Variants in TROAP observed in about 807,000 individuals in gnomAD.
TROAP encodes the protein trophinin associated protein, also known as tastin.
Under a neutral mutation model 83.4 loss-of-function variants are expected in TROAP, and 62 were observed. That is an observed-to-expected ratio of 0.74 (90% CI 0.61 to 0.92). The LOEUF is 0.92. Ranked by LOEUF, TROAP falls within the 40% of genes least tolerant of loss-of-function variation. The probability of loss-of-function intolerance (pLI) is 0.00; values close to 1 mark genes in which losing one functional copy is unlikely to be tolerated. For missense variants in TROAP, 876 were observed against 985.1 expected, an observed-to-expected ratio of 0.89 and a Z score of 1.48; for synonymous variants, 352 against 386.4, an observed-to-expected ratio of 0.91 and a Z score of 1.04.
Position 49,325,984 on chromosome 12 carries a change from G to T in TROAP, c.634-92G>T. 6.2e-6 allele frequency: 10 copies of T among 1,605,668 alleles called. No homozygotes were observed. The South Asian group carries it at 1.1e-4, about 18-fold the overall frequency. On this transcript the variant is annotated intron_variant, in intron 5 of 14. Coordinates refer to ENST00000257909, the MANE Select transcript of TROAP (RefSeq NM_005480.4). ...AGAGGTACCTCATGATGAGGCAAGG[G>T]ATCCTACTGGGGGAGATGGGGTTGG...
chr12:49,327,416 T>C (rs1232689426), intron 8 of TROAP, 86 bp downstream of exon 8: 1 of 1,560,274 alleles, frequency 6.4e-7, no homozygotes, highest in Admixed American at 1.8e-5. Flanking sequence ...CACTGAGAAT[T>C]GTAGGTAGAG....
Position 49,331,291 on chromosome 12 carries a change from C to CACGAGGCTCGTCTGG in TROAP, c.2181_2195dup (p.Glu727_Asp731dup), listed in dbSNP as rs1481855300. 4 of 1,614,116 alleles carry CACGAGGCTCGTCTGG rather than the reference C, an allele frequency of 2.5e-6. No individual in the cohort carries two copies. The highest frequency in any genetic ancestry group is 3.4e-6 in the Non-Finnish European group (4 of 1,180,054). Reference sequence around the variant, plus strand: ...GTGTTTAACCGCCATCCACTGCTTCCACGAGGCTCGTCTGGACGATGAGTG... The same window carrying CACGAGGCTCGTCTGG: ...GTGTTTAACCGCCATCCACTGCTTCCACGAGGCTCGTCTGGACGAGGCTCGTCTGGACGATGAGTG... On this transcript the variant is annotated inframe_insertion, in exon 14 of 15. Transcript: ENST00000257909.
At chr12:49,328,820 C>A (rs139357403) in intron 8 of TROAP, 107 bp from the exon 9 acceptor site, 1 of 1,426,716 alleles carries the variant, frequency 7.0e-7, no homozygotes, top group East Asian at 2.4e-5. Flanking sequence ...GCCAAGATCG[C>A]GCCACTGGAC....
Position 49,323,364 on chromosome 12 carries a change from T to G in TROAP, c.-6+15T>G. The G allele has an allele frequency of 1.8e-5, 9 of 503,990 alleles. No individual in the cohort carries two copies. The highest frequency in any genetic ancestry group is 2.1e-5 in the Non-Finnish European group (6 of 284,290). The allele number at this position is 503,990 out of a possible 1,614,324, so 31.2% of individuals were successfully genotyped here. A position where few individuals can be genotyped will look rare whatever the true frequency, so the allele number is the denominator to read the frequency against. On this transcript the variant is annotated intron_variant, in intron 1 of 14. Transcript: ENST00000257909. ...GCCTCGGTAAGGTAAGGCACGGGGG[T>G]CTTGAAGGGAACGAAGGCTGCTGGG... is the stretch of plus-strand genomic sequence containing the variant.
At position 49,325,670 on chromosome 12, in the gene TROAP, G is replaced by A. The variant is rs762151507; in HGVS notation, c.495+12G>A. ...CCCAGAGGGTCCAGGTAATGAAACA[G>A]GATGTGAGGAGACCAGGCTAGGGGG... On this transcript the variant is annotated intron_variant, in intron 4 of 14. Coordinates refer to ENST00000257909, the MANE Select transcript of TROAP (RefSeq NM_005480.4). 1.9e-6 allele frequency: 3 copies of A among 1,613,496 alleles called. No individual in the cohort carries two copies. The highest frequency in any genetic ancestry group is 2.5e-6 in the Non-Finnish European group (3 of 1,179,826).
intron 13 of TROAP, 47 bp downstream of exon 13, chr12:49,330,990 T>A (rs1384181352): frequency 6.3e-7 from 1 of 1,599,494 alleles, no homozygotes; most frequent in Non-Finnish European, 8.5e-7. Flanking sequence ...GGTCCTCACC[T>A]CACTGTGAGC....
intron 3 of TROAP, chr12:49,324,315 T>C (rs1479078690): frequency 1.1e-6 from 1 of 900,370 alleles, no homozygotes; most frequent in Non-Finnish European, 1.8e-6. Flanking sequence ...GAGACCAGCC[T>C]GGATGACAGA....
Position 49,326,167 on chromosome 12 carries a change from G to T in TROAP, c.716+9G>T, listed in dbSNP as rs936351717. The T allele has an allele frequency of 1.9e-6, 3 of 1,613,600 alleles. No homozygotes were observed. The highest frequency in any genetic ancestry group is 3.3e-5 in the Admixed American group (2 of 60,008). ...ACAGCTGGCAGCAGCCGGTGAGAAA[G>T]GAGAGGGTGTGGGAGAAGGTCATCT... On this transcript the variant is annotated intron_variant, in intron 6 of 14. Coordinates refer to ENST00000257909, the MANE Select transcript of TROAP (RefSeq NM_005480.4).
At chr12:49,328,543 TCA>T (rs1943533543) in intron 8 of TROAP, among the ~76,000 whole-genome samples, 1 of 151,910 alleles carries the variant, frequency 6.6e-6, no homozygotes, top group South Asian at 2.1e-4. Flanking sequence ...CTTAAAAGAA[TCA>T]CACTGGCTGC....
In TROAP at chr12:49,323,469, G is replaced by A. The variant is rs2137058610; in HGVS notation, c.-6+120G>A. On this transcript the variant is annotated intron_variant, in intron 1 of 14. Coordinates refer to ENST00000257909, the MANE Select transcript of TROAP (RefSeq NM_005480.4). ...GTCTGGAGATAGCACCCATAAGAGC[G>A]GTCTTGCAGGCGCCGGGGGCTTGTG... 5.0e-6 allele frequency: 6 copies of A among 1,192,786 alleles called. No homozygotes were observed. The South Asian group carries it at 7.2e-5, about 14-fold the overall frequency. The allele number at this position is 1,192,786 out of a possible 1,614,324, so 73.9% of individuals were successfully genotyped here. A position where few individuals can be genotyped will look rare whatever the true frequency, so the allele number is the denominator to read the frequency against.
chr12:49,326,709 C>A lies in TROAP; in HGVS notation c.758C>A (p.Pro253Gln). 6.4e-7 allele frequency: 1 copy of A among 1,562,342 alleles called. No individual in the cohort carries two copies. ...GCCTCAGGATTGCTCCTGGAGACCC[C>A]AGTCCAGCCTGGTAAGTGTTTCTGG... is the stretch of plus-strand genomic sequence containing the variant. The part of the protein sequence containing the change: ...SQASGLLLET[P>Q]VQPAFSLPKG... The change falls in exon 7 of 15, where the codon CCA (proline) becomes CAA (glutamine). Residue 253 changes from proline to glutamine, a missense_variant. Pro to Gln is a moderately conservative substitution (Grantham distance 76, BLOSUM62 -1). Transcript: ENST00000257909.
chr12:49,323,623 A>T lies in TROAP; in HGVS notation c.15A>T (p.Gln5His). The T allele has an allele frequency of 1.9e-6, 3 of 1,613,954 alleles. No individual in the cohort carries two copies. Among genetic ancestry groups the T allele is most frequent in the Non-Finnish European group, 2.5e-6 (3 of 1,179,952 alleles). Reference protein sequence around the residue: MTTRQATKDPLLRGV... With the variant: MTTRHATKDPLLRGV... ...TTGTAGCCATCATGACCACCCGGCAAGCCACGAAGGATCCCCTCCTCCGGG... is the reference window on the plus strand; with the variant it reads ...TTGTAGCCATCATGACCACCCGGCATGCCACGAAGGATCCCCTCCTCCGGG... The change falls in exon 2 of 15, where the codon CAA (glutamine) becomes CAT (histidine). Residue 5 changes from glutamine to histidine, a missense_variant. This residue lies in a region of TROAP where 689 missense variants were observed against 722.6 expected (regional missense o/e 0.95). Coordinates refer to ENST00000257909, the MANE Select transcript of TROAP (RefSeq NM_005480.4).
Position 49,330,223 on chromosome 12 carries a change from G to A in TROAP, c.1378G>A (p.Gly460Ser). The A allele has an allele frequency of 6.2e-7, 1 of 1,614,122 alleles. No homozygotes were observed. Among genetic ancestry groups the A allele is most frequent in the Non-Finnish European group, 8.5e-7 (1 of 1,180,014 alleles). The change falls in exon 13 of 15, where the codon GGC becomes AGC. Residue 460 changes from glycine to serine, a missense_variant. This residue lies in a region of TROAP where 689 missense variants were observed against 722.6 expected (regional missense o/e 0.95). Transcript: ENST00000257909. ...GGGCCAGTGTGTCCCTCTTAATGGA[G>A]GCTCTTCTCTGGATATGGTTGAACT... ...VGGQCVPLNG[G>S]SSLDMVELQP...
chr12:49,323,723 G>T lies in TROAP; in HGVS notation c.115G>T (p.Ala39Ser), dbSNP rs764601166. ...RTPFPTVTSCAVDQENQDPRR... is the reference protein window; with the variant it reads ...RTPFPTVTSCSVDQENQDPRR... ...GCCTTTCCCCACTGTTACATCGTGC[G>T]CCGTGGACCAGGAGAACCAAGATCC... Residue 39 changes from alanine to serine, a missense_variant, in exon 2 of 15, where the codon GCC becomes TCC. Ala to Ser is a moderately conservative substitution (Grantham distance 99, BLOSUM62 1). Around this residue, in one of 3 missense-constraint regions of TROAP, gnomAD observed 689 missense variants for 722.6 expected, o/e 0.95. Transcript: ENST00000257909. The T allele has an allele frequency of 4.3e-6, 7 of 1,614,044 alleles. No homozygotes were observed. In the East Asian group the frequency reaches 1.1e-4, roughly 26 times the overall value.
chr12:49,324,192 A>G (rs1943456728), intron 3 of TROAP, 155 bp downstream of exon 3: 12 of 1,613,676 alleles, frequency 7.4e-6, no homozygotes, highest in Non-Finnish European at 9.3e-6. Context: ...TTGCTCTTAG[A>G]AGATCTCCCT....
rs762827543 is a variant in TROAP at position 49,327,290 on chromosome 12, G to A, written c.851G>A (p.Arg284Gln). 6.2e-6 allele frequency: 10 copies of A among 1,614,160 alleles called. No individual in the cohort carries two copies. The highest frequency in any genetic ancestry group is 1.6e-4 in the Middle Eastern group (1 of 6,062). The change falls in exon 8 of 15, where the codon CGA becomes CAA. Residue 284 changes from arginine (R) to glutamine (Q), a missense_variant. Arg to Gln is a conservative substitution (Grantham distance 43). Around this residue, in one of 3 missense-constraint regions of TROAP, gnomAD observed 689 missense variants for 722.6 expected, o/e 0.95. Coordinates refer to ENST00000257909, the MANE Select transcript of TROAP (RefSeq NM_005480.4). ...GGVASLGLAQRVPLRENREMS... is the reference protein window; with the variant it reads ...GGVASLGLAQQVPLRENREMS... The stretch of plus-strand genomic sequence containing the variant: ...GTGGCCTCTCTTGGTCTGGCCCAGC[G>A]AGTACCATTAAGAGAAAACCGAGAA...
chr12:49,325,527 G>T lies in TROAP; in HGVS notation c.364G>T (p.Ala122Ser), dbSNP rs536523593. 1.2e-6 allele frequency: 2 copies of T among 1,613,904 alleles called. No individual in the cohort carries two copies. Among genetic ancestry groups the T allele is most frequent in the East Asian group, 4.5e-5 (2 of 44,880 alleles). The change falls in exon 4 of 15, where the codon GCT (alanine) becomes TCT (serine). Residue 122 changes from alanine (A) to serine (S), a missense_variant. Transcript: ENST00000257909. The part of the protein sequence containing the change: ...TEAPGTIEFV[A>S]DPAALATILS... Reference sequence around the variant, plus strand: ...GGCTCCAGGGACCATAGAGTTTGTGGCTGACCCTGCAGCCCTGGCCACCAT... The same window carrying T: ...GGCTCCAGGGACCATAGAGTTTGTGTCTGACCCTGCAGCCCTGGCCACCAT...
Position 49,331,236 on chromosome 12 carries a change from A to G in TROAP, c.2121A>G (p.Arg707=). Residue 707 remains arginine, a synonymous_variant, in exon 14 of 15, where the codon CGA becomes CGG. Coordinates refer to ENST00000257909, the MANE Select transcript of TROAP (RefSeq NM_005480.4). ...CAGGCCTCAGCAATCTGGCCCCTCG[A>G]ACCCTAGCCCTGAGGGAGCGCCTCA... ...GQAGLSNLAP[R]TLALRERLKS... 6.2e-7 allele frequency: 1 copy of G among 1,614,202 alleles called. No homozygotes were observed. Among genetic ancestry groups the G allele is most frequent in the South Asian group, 1.1e-5 (1 of 91,088 alleles).
intron 3 of TROAP, 85 bp downstream of exon 3, chr12:49,324,122 C>T (rs747329138): frequency 1.9e-6 from 3 of 1,613,942 alleles, no homozygotes; most frequent in South Asian, 1.1e-5. Context: ...GGGTTTTGCA[C>T]TCACTCCTGC....
Sources: allele counts gnomAD v4.1 joint callset (sites outside exome capture counted in the v4.1 genomes callset), GRCh38; gene constraint gnomAD v4.1.1; regional missense constraint gnomAD v4.1.1; transcripts MANE v1.5; gene names NCBI Gene and HGNC (gene_info 2026-07-23, HGNC 2026-07-21).